Variants in TUSC3 observed in about 807,000 individuals in gnomAD.
The protein encoded by TUSC3 is dolichyl-diphosphooligosaccharide--protein glycosyltransferase subunit TUSC3.
TUSC3 carries 45 observed loss-of-function variants against 44.8 expected under a neutral mutation model. The observed-to-expected ratio is 1.00, with a 90% CI of 0.79 to 1.29. TUSC3 has a LOEUF of 1.29. Ranked by LOEUF, TUSC3 falls within the 50% of genes most tolerant of loss-of-function variation. TUSC3 has a pLI of 0.00. For missense variants in TUSC3, 519 were observed against 437.9 expected (o/e 1.19, Z -1.65); for synonymous variants, 212 against 152.9 (o/e 1.39, Z -2.85).
intron 1 of TUSC3, among the ~76,000 whole-genome samples, chr8:15,475,484 C>G (rs1800562404): frequency 6.6e-6 from 1 of 152,150 alleles, no homozygotes; most frequent in Non-Finnish European, 1.5e-5. Flanking sequence ...CTCTCAGTCT[C>G]TTAGCCAAAT....
At chr8:15,588,768 G>A (rs1215196248) in intron 1 of TUSC3, among the ~76,000 whole-genome samples, 2 of 152,100 alleles carry the variant, frequency 1.3e-5, no homozygotes, top group Non-Finnish European at 2.9e-5. Context: ...TTCTGCATAT[G>A]GATGGATAGT....
chr8:15,786,990 T>A, the TUSC3 span, among the ~76,000 whole-genome samples: 4 of 150,256 alleles, frequency 2.7e-5, no homozygotes, highest in Non-Finnish European at 5.9e-5. Flanking sequence ...AAGATGAGAT[T>A]TGAAGGTAGT....
intron 10 of TUSC3, among the ~76,000 whole-genome samples, chr8:15,762,121 A>G (rs934546192): frequency 1.3e-5 from 2 of 151,970 alleles, no homozygotes; most frequent in African/African-American, 4.8e-5. Context: ...AGCAGTTCAT[A>G]CTTTTCTCAG....
At chr8:15,502,174 C>A (rs2129127036) in intron 2 of TUSC3, among the ~76,000 whole-genome samples, 1 of 152,278 alleles carries the variant, frequency 6.6e-6, no homozygotes, top group Non-Finnish European at 1.5e-5. Context: ...AGTCAAATTG[C>A]AAACTATGAT....
At chr8:15,586,366 A>C (rs546650582) in intron 1 of TUSC3, among the ~76,000 whole-genome samples, 3 of 152,278 alleles carry the variant, frequency 2.0e-5, no homozygotes, top group East Asian at 3.9e-4. Context: ...ATGCATATTC[A>C]AAAGAGGAGT....
intron 6 of TUSC3, among the ~76,000 whole-genome samples, chr8:15,692,367 CCCCCT>C (rs2079829357): frequency 7.9e-6 from 1 of 127,010 alleles, no homozygotes; most frequent in African/African-American, 2.9e-5. Flanking sequence ...ACCCCCCCCC[CCCCCT>C]TTGTTTTTTT....
At chr8:15,664,867 A>G (rs1307000214) in intron 5 of TUSC3, among the ~76,000 whole-genome samples, 1 of 150,786 alleles carries the variant, frequency 6.6e-6, no homozygotes, top group African/African-American at 2.4e-5. Context: ...GTATATATAA[A>G]TATATAAATT....
At chr8:15,463,035 A>G (rs540967338) in intron 1 of TUSC3, among the ~76,000 whole-genome samples, 2 of 151,400 alleles carry the variant, frequency 1.3e-5, no homozygotes, top group South Asian at 4.2e-4. Context: ...CCTCCTCCTC[A>G]TCTTCCTCCC....
At chr8:15,757,748 AT>A in intron 9 of TUSC3, 42 bp from the exon 10 acceptor site, 5 of 1,473,166 alleles carry the variant, frequency 3.4e-6, no homozygotes, top group Non-Finnish European at 4.8e-6. Context: ...CTTAAGGATT[AT>A]TTTTTCCATA....
intron 1 of TUSC3, among the ~76,000 whole-genome samples, chr8:15,544,782 A>G (rs900083476): frequency 1.3e-5 from 2 of 151,774 alleles, no homozygotes; most frequent in African/African-American, 4.8e-5. Context: ...TTATGCATTG[A>G]TATGTACGCA....
At chr8:15,660,558 G>A (rs1049894280) in intron 4 of TUSC3, among the ~76,000 whole-genome samples, 4 of 151,774 alleles carry the variant, frequency 2.6e-5, no homozygotes, top group Admixed American at 2.0e-4. Flanking sequence ...TTAAAAGTAC[G>A]TTCGTGCAGG....
chr8:15,633,797 G>C (rs1330986397), intron 2 of TUSC3, among the ~76,000 whole-genome samples: 4 of 152,256 alleles, frequency 2.6e-5, no homozygotes, highest in African/African-American at 9.6e-5. Context: ...CTTGATTTTA[G>C]ACTTCTAGCC....
At chr8:15,588,804 A>G (rs1181109529) in intron 1 of TUSC3, among the ~76,000 whole-genome samples, 1 of 152,178 alleles carries the variant, frequency 6.6e-6, no homozygotes, top group East Asian at 1.9e-4. Context: ...TATTTATTGA[A>G]GAGGGTGTCC....
At chr8:15,621,040 T>C (rs1207446673) in intron 1 of TUSC3, among the ~76,000 whole-genome samples, 1 of 151,938 alleles carries the variant, frequency 6.6e-6, no homozygotes, top group Admixed American at 6.6e-5. Context: ...AAGCATAAAA[T>C]ACTGAGGTAA....
chr8:15,723,526 A>G (rs1016874055), intron 6 of TUSC3, among the ~76,000 whole-genome samples: 7 of 152,142 alleles, frequency 4.6e-5, no homozygotes, highest in Admixed American at 4.6e-4. Flanking sequence ...ATACCTCTTT[A>G]TATCTCTTCT....
chr8:15,670,322 T>C (rs1392112168), intron 5 of TUSC3, among the ~76,000 whole-genome samples: 2 of 151,876 alleles, frequency 1.3e-5, no homozygotes, highest in Non-Finnish European at 2.9e-5. Context: ...ACATTTATTA[T>C]AGATCTTTAA....
chr8:15,619,508 T>C (rs79633015), intron 1 of TUSC3, among the ~76,000 whole-genome samples: 6,407 of 152,094 alleles, frequency 0.042, 257 homozygotes, highest in East Asian at 0.16. Context: ...TTTTTTTTTT[T>C]CCAGTCGAAG....
the TUSC3 span, among the ~76,000 whole-genome samples, chr8:15,839,522 T>A: frequency 6.6e-6 from 1 of 151,716 alleles, no homozygotes; most frequent in African/African-American, 2.4e-5. Flanking sequence ...CTCAAACAAA[T>A]TTACAAGAAA....
At chr8:15,770,515 C>T (rs1812422161), downstream of TUSC3, among the ~76,000 whole-genome samples, 1 of 152,044 alleles carries the variant, frequency 6.6e-6, no homozygotes, top group Admixed American at 6.6e-5. Flanking sequence ...CTGTAACCTG[C>T]ATGTTTTGCA....
Sources: allele counts gnomAD v4.1 joint callset (sites outside exome capture counted in the v4.1 genomes callset), GRCh38; gene constraint gnomAD v4.1.1; transcripts MANE v1.5; gene names NCBI Gene and HGNC (gene_info 2026-07-23, HGNC 2026-07-21).